Variants in ATP11C observed in about 807,000 individuals in gnomAD.
ATP11C encodes the protein phospholipid-transporting ATPase IG.
ATP11C carries 36 observed loss-of-function variants against 97.4 expected under a neutral mutation model. The observed-to-expected ratio is 0.37, with a 90% confidence interval of 0.28 to 0.49. The LOEUF is 0.49. ATP11C is among the 20% of genes least tolerant of loss of function. The probability of loss-of-function intolerance (pLI) is 0.98; values close to 1 mark genes in which losing one functional copy is unlikely to be tolerated. For missense variants in ATP11C, 730 were observed against 824.6 expected, an observed-to-expected ratio of 0.89 and a Z score of 1.40; for synonymous variants, 275 against 290.9, an observed-to-expected ratio of 0.95 and a Z score of 0.56.
chrX:139,869,016 T>C (rs773741595), intron 1 of ATP11C, among the ~76,000 whole-genome samples: 2 of 112,412 alleles, frequency 1.8e-5, no homozygotes, highest in Non-Finnish European at 3.8e-5. Flanking sequence ...GTAACACTGT[T>C]GGTGGGAATG....
rs896685501 is a variant in ATP11C, at chrX:139,821,168, C to T, written c.148-1741G>A. Among the ~76,000 whole-genome samples, 3 of 112,023 alleles carry T rather than the reference C, an allele frequency of 2.7e-5. No homozygotes were observed. The Admixed American group carries it at 2.8e-4, about 11-fold the overall frequency. On this transcript the variant is annotated intron_variant, in intron 2 of 29. Coordinates refer to ENST00000682941, the MANE Select transcript of ATP11C (RefSeq NM_001353812.2). ...GAGGCAAGTACATTCAGTAGAACAG[C>T]TGCATTACAACCAATAACCAACTTA...
chrX:139,730,468 T>C (rs1380960702), intron 29 of ATP11C, among the ~76,000 whole-genome samples: 1 of 111,792 alleles, frequency 8.9e-6, no homozygotes, highest in Non-Finnish European at 1.9e-5. Context: ...ATGCTAACTG[T>C]GGCAAAATGA....
chrX:139,763,043 T>A (rs199687791), intron 21 of ATP11C, among the ~76,000 whole-genome samples: 2 of 112,479 alleles, frequency 1.8e-5, no homozygotes, highest in East Asian at 5.6e-4. Flanking sequence ...AACAATCAAT[T>A]GTGCTGCCAG....
In ATP11C at chrX:139,797,099, T is replaced by C. The variant is rs996710060; in HGVS notation, c.1008+77A>G. On this transcript the variant is annotated intron_variant, in intron 11 of 29. Transcript: ENST00000682941. ...ATTCAGAAGCTAACAAAAGGTGCCG[T>C]TTCCCTGAGCAGCATTTCAGTGAAG... The C allele has an allele frequency of 7.1e-6, 7 of 990,301 alleles. No homozygotes were observed. In the African/African-American group the frequency reaches 9.9e-5, roughly 14 times the overall value. The allele number at this position is 990,301 out of a possible 1,213,427, so 81.6% of individuals were successfully genotyped here.
chrX:139,817,031 GA>G (rs2083300597), intron 3 of ATP11C, 88 bp from the exon 4 acceptor site: 1 of 536,372 alleles, frequency 1.9e-6, no homozygotes, highest in African/African-American at 2.4e-5. Context: ...ATTTCAAACA[GA>G]AACATAGACA....
chrX:139,842,674 C>T (rs1416914543), intron 1 of ATP11C, among the ~76,000 whole-genome samples: 4 of 112,100 alleles, frequency 3.6e-5, no homozygotes, highest in African/African-American at 6.5e-5. Context: ...ACTGGGGCTG[C>T]GTAGAGTTTG....
intron 1 of ATP11C, among the ~76,000 whole-genome samples, chrX:139,915,436 G>A (rs1268564725): frequency 9.0e-6 from 1 of 111,461 alleles, no homozygotes; most frequent in East Asian, 2.8e-4. Context: ...TTGGGAGGCC[G>A]AGGCAGGAGG....
intron 19 of ATP11C, among the ~76,000 whole-genome samples, chrX:139,769,078 T>C (rs1041389683): frequency 9.3e-5 from 10 of 106,997 alleles, no homozygotes; most frequent in Non-Finnish European, 1.9e-4. Context: ...GGTTCTATTT[T>C]TCTGGTTGAA....
At chrX:139,877,708 T>C (rs995320048) in intron 1 of ATP11C, among the ~76,000 whole-genome samples, 1 of 112,517 alleles carries the variant, frequency 8.9e-6, no homozygotes, top group Non-Finnish European at 1.9e-5. Flanking sequence ...ATTATCTTTC[T>C]TAATAAGAAA....
chrX:139,920,632 A>G (rs905209473), intron 1 of ATP11C, among the ~76,000 whole-genome samples: 4 of 112,026 alleles, frequency 3.6e-5, no homozygotes, highest in Non-Finnish European at 7.5e-5. Context: ...GGAAATTTAA[A>G]TCCACTTAAG....
intron 1 of ATP11C, among the ~76,000 whole-genome samples, chrX:139,828,627 T>C (rs1250320756): frequency 2.7e-5 from 3 of 111,966 alleles, no homozygotes; most frequent in African/African-American, 9.7e-5. Flanking sequence ...TTAATATTCA[T>C]ATGGCTGTTT....
chrX:139,764,443 C>T (rs2082096445), intron 20 of ATP11C, among the ~76,000 whole-genome samples: 1 of 112,698 alleles, frequency 8.9e-6, no homozygotes, highest in African/African-American at 3.2e-5. Flanking sequence ...AACCTCCTGG[C>T]AGAGTTACTT....
At chrX:139,882,283 G>A (rs1440842345) in intron 1 of ATP11C, among the ~76,000 whole-genome samples, 1 of 111,684 alleles carries the variant, frequency 9.0e-6, no homozygotes, top group Non-Finnish European at 1.9e-5. Context: ...TTTTTTGGAA[G>A]AAAAAACATT....
At chrX:139,924,875 G>A (rs897211001) in intron 1 of ATP11C, among the ~76,000 whole-genome samples, 2 of 111,681 alleles carry the variant, frequency 1.8e-5, no homozygotes, top group East Asian at 2.8e-4. Context: ...GCCTTTTCCC[G>A]TTACTGACTT....
Position 139,757,887 on chromosome X carries a change from A to T in ATP11C, c.2641-20T>A. 1 of 1,062,946 alleles carries T rather than the reference A, an allele frequency of 9.4e-7. No individual in the cohort carries two copies. The highest frequency in any genetic ancestry group is 1.3e-6 in the Non-Finnish European group (1 of 779,350). 87.6% of individuals were successfully genotyped at this position (1,062,946 alleles called of 1,213,427 possible). A position where few individuals can be genotyped will look rare whatever the true frequency, so the allele number is the denominator to read the frequency against. On this transcript the variant is annotated intron_variant, in intron 22 of 29. Coordinates refer to ENST00000682941, the MANE Select transcript of ATP11C (RefSeq NM_001353812.2). ...AAGGTTCTGAAAAAAAAAAATTAAG[A>T]CAAGGATTAACATTTTCACTTAATC...
intron 1 of ATP11C, among the ~76,000 whole-genome samples, chrX:139,854,102 C>T (rs2497269): frequency 0.18 from 19,811 of 110,735 alleles, 3,061 homozygotes; most frequent in African/African-American, 0.5. Context: ...CAGTAATTGA[C>T]AGGGAAACTC....
chrX:139,836,026 CAAAAAAAAAAAAAA>C (rs755398033), intron 1 of ATP11C, among the ~76,000 whole-genome samples: 5 of 28,682 alleles, frequency 1.7e-4, no homozygotes, highest in African/African-American at 3.5e-4. Flanking sequence ...GACTCCATCT[CAAAAAAAAAAAAAA>C]AAAAAAAAAA....
intron 1 of ATP11C, among the ~76,000 whole-genome samples, chrX:139,923,700 GTTAC>G (rs1268112837): frequency 8.9e-6 from 1 of 111,964 alleles, no homozygotes; most frequent in African/African-American, 3.2e-5. Flanking sequence ...CTACCCAGCT[GTTAC>G]TTACTTGTGG....
At chrX:139,913,249 G>A (rs1320719148) in intron 1 of ATP11C, among the ~76,000 whole-genome samples, 2 of 111,840 alleles carry the variant, frequency 1.8e-5, no homozygotes, top group Admixed American at 9.5e-5. Flanking sequence ...AAGCTTGCCC[G>A]TAATATTCCA....
Sources: gnomAD v4.1 joint callset for allele counts (sites outside exome capture counted in the v4.1 genomes callset) on GRCh38, gnomAD v4.1.1 for gene constraint, MANE v1.5 for transcripts, NCBI Gene and HGNC (gene_info 2026-07-23, HGNC 2026-07-21) for gene names.